TEKTIP1: variants seen among roughly 807,000 people sequenced by gnomAD.
The protein encoded by TEKTIP1 is tektin bundle interacting protein 1.
At chr19:3,543,495 C>A in the TEKTIP1 span, 3 of 1,521,500 alleles carry the variant, frequency 2.0e-6, no homozygotes, top group Non-Finnish European at 1.8e-6. Context: ...CCCCCCCGCC[C>A]TGGGCAGCGG....
At chr19:3,541,718 T>A in the TEKTIP1 span, 17 of 985,266 alleles carry the variant, frequency 1.7e-5, no homozygotes, top group Non-Finnish European at 2.0e-5. Context: ...CACCTGCTCC[T>A]GGGAGGAAAC....
chr19:3,544,013 G>T, the TEKTIP1 span: 1 of 1,533,496 alleles, frequency 6.5e-7, no homozygotes, highest in Non-Finnish European at 8.8e-7. Context: ...CCCGATAAAG[G>T]CATGCTACCA....
At chr19:3,540,871 CAA>C in the TEKTIP1 span, among the ~76,000 whole-genome samples, 9 of 61,020 alleles carry the variant, frequency 1.5e-4, no homozygotes, top group Non-Finnish European at 9.8e-5. Flanking sequence ...AACTCCATCT[CAA>C]AAAAAAAAAA....
the TEKTIP1 span, chr19:3,543,680 G>A: frequency 6.2e-4 from 945 of 1,532,286 alleles, 2 homozygotes; most frequent in Non-Finnish European, 5.5e-4. Context: ...CAAGGAATAC[G>A]GTGAGGCTAG....
chr19:3,540,502 C>T, the TEKTIP1 span, among the ~76,000 whole-genome samples: 464 of 151,622 alleles, frequency 3.1e-3, no homozygotes, highest in Non-Finnish European at 4.5e-3. Context: ...ATGATCTGCC[C>T]TCCTTGGCCT....
chr19:3,543,703 TCC>T, the TEKTIP1 span: 1 of 1,508,168 alleles, frequency 6.6e-7, no homozygotes, highest in Non-Finnish European at 8.9e-7. Context: ...GCAGGGTGGG[TCC>T]TTGGGAGGCC....
the TEKTIP1 span, chr19:3,539,562 C>T: frequency 1.9e-4 from 75 of 389,214 alleles, no homozygotes; most frequent in Non-Finnish European, 1.9e-4. Context: ...CAGGCCTGTG[C>T]GGGGCTGGGC....
chr19:3,542,564 C>T, the TEKTIP1 span: 2 of 824,778 alleles, frequency 2.4e-6, no homozygotes, highest in African/African-American at 1.9e-5. Flanking sequence ...AACTCCACTT[C>T]CTGGGTTCAA....
At chr19:3,543,354 C>A in the TEKTIP1 span, 2 of 1,549,350 alleles carry the variant, frequency 1.3e-6, no homozygotes, top group Non-Finnish European at 1.7e-6. Flanking sequence ...ACAGGCCTGA[C>A]CAACTCGGAC....
At chr19:3,543,485 C>CA in the TEKTIP1 span, 1 of 1,516,576 alleles carries the variant, frequency 6.6e-7, no homozygotes, top group Non-Finnish European at 8.8e-7. Flanking sequence ...TGAGTGCCCC[C>CA]CCCCCCGCCC....
At chr19:3,543,649 G>C in the TEKTIP1 span, 1 of 1,543,696 alleles carries the variant, frequency 6.5e-7, no homozygotes, top group Non-Finnish European at 8.7e-7. Context: ...GCGCGCTGTG[G>C]AAAGACAGGC....
At chr19:3,543,068 T>G in the TEKTIP1 span, 1 of 1,593,156 alleles carries the variant, frequency 6.3e-7, no homozygotes, top group Non-Finnish European at 8.5e-7. Flanking sequence ...AAGCACCCAC[T>G]CTGGGGTGAG....
chr19:3,541,791 T>A, the TEKTIP1 span: 1 of 985,090 alleles, frequency 1.0e-6, no homozygotes, highest in Non-Finnish European at 1.2e-6. Flanking sequence ...GGCTCATTTC[T>A]CATTGAATAT....
At chr19:3,540,430 G>C in the TEKTIP1 span, among the ~76,000 whole-genome samples, 2 of 151,440 alleles carry the variant, frequency 1.3e-5, no homozygotes, top group Admixed American at 6.6e-5. Context: ...GCTAATTTTT[G>C]TATTTTTAGT....
chr19:3,543,006 T>C, the TEKTIP1 span: 1 of 1,600,034 alleles, frequency 6.2e-7, no homozygotes, highest in South Asian at 1.1e-5. Flanking sequence ...AGTGCTGACT[T>C]GGGTGCTTGG....
At chr19:3,543,019 T>G in the TEKTIP1 span, 1 of 1,604,460 alleles carries the variant, frequency 6.2e-7, no homozygotes, top group African/African-American at 1.3e-5. Flanking sequence ...GTGCTTGGGG[T>G]GCGATGTGTG....
chr19:3,542,209 G>A, the TEKTIP1 span: 1 of 985,370 alleles, frequency 1.0e-6, no homozygotes, highest in East Asian at 1.1e-4. Flanking sequence ...CCTTTCTAGT[G>A]GAAAAGCCGA....
At chr19:3,543,177 G>C in the TEKTIP1 span, 1 of 1,523,982 alleles carries the variant, frequency 6.6e-7, no homozygotes, top group South Asian at 1.2e-5. Context: ...ACATCGCAAA[G>C]GGGTCAAAGC....
At chr19:3,543,154 T>A in the TEKTIP1 span, 2 of 1,514,320 alleles carry the variant, frequency 1.3e-6, no homozygotes, top group Non-Finnish European at 1.8e-6. Context: ...CTCTACATCA[T>A]CCACCCTGGC....
Sources: allele counts gnomAD v4.1 joint callset (sites outside exome capture counted in the v4.1 genomes callset), GRCh38; gene constraint gnomAD v4.1.1; transcripts MANE v1.5; gene names NCBI Gene and HGNC (gene_info 2026-07-23, HGNC 2026-07-21).